The following COL14A1 variants were observed in gnomAD, a reference collection of about 807,000 sequenced individuals.
The protein encoded by COL14A1 is collagen alpha-1(XIV) chain.
Under a neutral mutation model 230.3 loss-of-function variants are expected in COL14A1, and 136 were observed. That is an observed-to-expected ratio of 0.59 (90% confidence interval 0.51 to 0.68). COL14A1 has a LOEUF of 0.68. Among genes scored for constraint, COL14A1 ranks in the 30% least tolerant of loss-of-function variants. The pLI is 0.00. For synonymous variants in COL14A1, 792 were observed against 784.1 expected (o/e 1.01, Z -0.17); for missense variants, 1,976 against 2,215.8 (o/e 0.89, Z 2.17).
chr8:120,333,786 C>T lies in COL14A1; in HGVS notation c.4785+1051C>T, dbSNP rs575257772. ...CCTTTTCTAGCTGCTAAAGGCCTCC[C>T]GTAGTCCTTGGCTCATGTCCACCTG... On this transcript the variant is annotated intron_variant, in intron 42 of 47. Coordinates refer to ENST00000297848, the MANE Select transcript of COL14A1 (RefSeq NM_021110.4). 4.6e-5 allele frequency among the ~76,000 whole-genome samples: 7 copies of T among 152,294 alleles called. No homozygotes were observed. In the East Asian group the frequency reaches 7.7e-4, roughly 17 times the overall value.
At chr8:120,356,982 C>A (rs906342975) in intron 45 of COL14A1, among the ~76,000 whole-genome samples, 1 of 140,734 alleles carries the variant, frequency 7.1e-6, no homozygotes, top group South Asian at 2.4e-4. Context: ...TTCTTCTTTG[C>A]ATCATCTTTT....
chr8:120,342,286 G>A, intron 43 of COL14A1, 94 bp from the exon 44 acceptor site: 2 of 1,288,274 alleles, frequency 1.6e-6, no homozygotes, highest in Non-Finnish European at 2.2e-6. Flanking sequence ...TCCCTGATGG[G>A]AACAATGGGG....
At position 120,231,523 on chromosome 8, in the gene COL14A1, CG is replaced by C. The variant is rs1563685836; in HGVS notation, c.2257del (p.Val753Ter). 6.2e-7 allele frequency: 1 copy of C among 1,613,956 alleles called. No individual in the cohort carries two copies. Among genetic ancestry groups the C allele is most frequent in the South Asian group, 1.1e-5 (1 of 91,076 alleles). On this transcript the variant is annotated frameshift_variant, in exon 19 of 48. Transcript: ENST00000297848. LOFTEE classifies it high-confidence loss of function. The stretch of plus-strand genomic sequence containing the variant: ...AGGTGATGAAACTACTTCTAGCCTG[CG>C]GGTAAAATGGGACATTTCTGACAGC... ...VVGDETTSSL[R>X]VKWDISDSDV...
At chr8:120,279,365 C>T (rs922197992) in intron 28 of COL14A1, among the ~76,000 whole-genome samples, 1 of 150,838 alleles carries the variant, frequency 6.6e-6, no homozygotes, top group African/African-American at 2.5e-5. Flanking sequence ...TATATATGGA[C>T]CAGGGAAGGA....
At chr8:120,226,495 T>TTTTCC (rs1453530544) in intron 15 of COL14A1, 132 bp from the exon 16 acceptor site, 1 of 831,074 alleles carries the variant, frequency 1.2e-6, no homozygotes, top group Non-Finnish European at 1.8e-6. Flanking sequence ...TGGGCCCCAG[T>TTTTCC]TTTCCTTCTT....
At chr8:120,243,772 A>C in intron 19 of COL14A1, 107 bp from the exon 20 acceptor site, 1 of 1,314,026 alleles carries the variant, frequency 7.6e-7, no homozygotes, top group Non-Finnish European at 1.1e-6. Flanking sequence ...CTCTCAAAGC[A>C]CATCTCTTTT....
Position 120,300,730 on chromosome 8 carries a change from A to G in COL14A1, c.4315-2A>G. The G allele has an allele frequency of 1.9e-6, 3 of 1,611,540 alleles. No homozygotes were observed. The highest frequency in any genetic ancestry group is 2.5e-6 in the Non-Finnish European group (3 of 1,178,748). On this transcript the variant is annotated splice_acceptor_variant, in intron 35 of 47. Transcript: ENST00000297848. LOFTEE classifies it high-confidence loss of function. ...GGTTGTGCTTTTTTTGTTTCTTTTC[A>G]GAGAGATGATGAGTCTTGCCCAGAC...
At chr8:120,163,674 A>G (rs564580404) in intron 4 of COL14A1, among the ~76,000 whole-genome samples, 1 of 152,132 alleles carries the variant, frequency 6.6e-6, no homozygotes, top group Non-Finnish European at 1.5e-5. Context: ...GAGGCAGGAG[A>G]ATCGCTTGAA....
intron 14 of COL14A1, among the ~76,000 whole-genome samples, chr8:120,220,380 T>C (rs1295916033): frequency 6.6e-6 from 1 of 151,734 alleles, no homozygotes; most frequent in Non-Finnish European, 1.5e-5. Flanking sequence ...TTCAAGCGAT[T>C]CTCCTGCCTC....
intron 36 of COL14A1, among the ~76,000 whole-genome samples, chr8:120,305,272 A>G (rs1820825022): frequency 6.6e-6 from 1 of 152,134 alleles, no homozygotes; most frequent in Admixed American, 6.5e-5. Flanking sequence ...GAGCCACCGC[A>G]CCTGGCCAAA....
chr8:120,164,255 T>G (rs546420678), intron 4 of COL14A1, among the ~76,000 whole-genome samples: 1 of 152,318 alleles, frequency 6.6e-6, no homozygotes, highest in South Asian at 2.1e-4. Flanking sequence ...TATTATTTTT[T>G]GAGGAAATCA....
chr8:120,236,069 T>C (rs987622725), intron 19 of COL14A1, among the ~76,000 whole-genome samples: 2 of 152,204 alleles, frequency 1.3e-5, no homozygotes, highest in Non-Finnish European at 2.9e-5. Context: ...TGTGATGTGG[T>C]GCTAAGAAGA....
intron 40 of COL14A1, among the ~76,000 whole-genome samples, chr8:120,324,213 A>C (rs984063778): frequency 2.5e-4 from 38 of 152,110 alleles, no homozygotes; most frequent in African/African-American, 8.7e-4. Context: ...ATGTACCCTG[A>C]ACCTAAAAAA....
chr8:120,144,575 C>T (rs997891469), intron 1 of COL14A1, among the ~76,000 whole-genome samples: 3 of 152,010 alleles, frequency 2.0e-5, no homozygotes, highest in East Asian at 1.9e-4. Context: ...ACTCAACTAC[C>T]GTTAATATTC....
At chr8:120,253,549 C>T (rs1011699261) in intron 22 of COL14A1, among the ~76,000 whole-genome samples, 2 of 152,150 alleles carry the variant, frequency 1.3e-5, no homozygotes, top group East Asian at 3.8e-4. Context: ...AAGAAAATCT[C>T]CCACAATGGC....
chr8:120,245,652 T>C (rs951348594), intron 20 of COL14A1, among the ~76,000 whole-genome samples: 6 of 152,172 alleles, frequency 3.9e-5, no homozygotes, highest in Non-Finnish European at 7.3e-5. Flanking sequence ...GATTGATCAG[T>C]GTCACCTGGT....
At chr8:120,363,245 C>T (rs1277349621) in intron 45 of COL14A1, among the ~76,000 whole-genome samples, 1 of 152,150 alleles carries the variant, frequency 6.6e-6, no homozygotes, top group East Asian at 1.9e-4. Flanking sequence ...ACTATGCAAC[C>T]ATAAAAAGGA....
Position 120,197,904 on chromosome 8 carries a change from CAT to C in COL14A1, c.690_691del (p.Tyr230Ter), listed in dbSNP as rs745311005. 4 of 1,613,284 alleles carry C rather than the reference CAT, an allele frequency of 2.5e-6. No homozygotes were observed. Among genetic ancestry groups the C allele is most frequent in the Non-Finnish European group, 3.4e-6 (4 of 1,179,512 alleles). On this transcript the variant is annotated frameshift_variant, in exon 7 of 48. Transcript: ENST00000297848. LOFTEE classifies it high-confidence loss of function. ...GTGATTGAAGCTGTCCGAAACCTCC[CAT>C]ATAAAGGAGGAAATACACTAACAGG...
intron 40 of COL14A1, among the ~76,000 whole-genome samples, chr8:120,325,690 G>T (rs199763890): frequency 3.9e-5 from 6 of 151,948 alleles, no homozygotes; most frequent in Non-Finnish European, 8.8e-5. Context: ...ATGGGGTTTC[G>T]CCATGTTGTT....
Sources: allele counts gnomAD v4.1 joint callset (sites outside exome capture counted in the v4.1 genomes callset), GRCh38; gene constraint gnomAD v4.1.1; transcripts MANE v1.5; gene names NCBI Gene and HGNC (gene_info 2026-07-23, HGNC 2026-07-21).